LUZP2: variants seen among roughly 807,000 people sequenced by gnomAD.
LUZP2 encodes the protein leucine zipper protein 2.
A neutral mutation model predicts 51.6 loss-of-function variants in LUZP2; 52 were observed. That is an observed-to-expected ratio of 1.01 (90% confidence interval 0.81 to 1.27). LUZP2 has a LOEUF of 1.27. LUZP2 is among the 50% of genes most tolerant of loss of function. The pLI is 0.00. For synonymous variants in LUZP2, 154 were observed against 137.3 expected (o/e 1.12, Z -0.85); for missense variants, 436 against 395.4 (o/e 1.10, Z -0.87).
At chr11:24,966,958 T>G (rs1003394638) in intron 7 of LUZP2, among the ~76,000 whole-genome samples, 2 of 150,086 alleles carry the variant, frequency 1.3e-5, no homozygotes, top group Admixed American at 1.3e-4. Flanking sequence ...TTTATTAAAC[T>G]TAGTATTTTT....
At chr11:24,716,197 T>C (rs1355126670) in intron 1 of LUZP2, among the ~76,000 whole-genome samples, 1 of 152,202 alleles carries the variant, frequency 6.6e-6, no homozygotes, top group East Asian at 1.9e-4. Context: ...ACAGGCTGAA[T>C]GGAAGTTTGT....
At chr11:24,533,837 T>C (rs749205438) in intron 1 of LUZP2, among the ~76,000 whole-genome samples, 11 of 151,348 alleles carry the variant, frequency 7.3e-5, no homozygotes, top group South Asian at 2.1e-4. Flanking sequence ...CTCTGCTGAA[T>C]ATTAGGGTAT....
chr11:24,761,585 G>A (rs1472993178), intron 4 of LUZP2, among the ~76,000 whole-genome samples: 1 of 152,070 alleles, frequency 6.6e-6, no homozygotes, highest in Non-Finnish European at 1.5e-5. Context: ...TCACCTCTGG[G>A]CTCCAGGCTG....
intron 7 of LUZP2, among the ~76,000 whole-genome samples, chr11:24,931,633 T>TTTTG (rs996856071): frequency 1.3e-5 from 2 of 152,294 alleles, no homozygotes; most frequent in South Asian, 2.1e-4. Context: ...ATCCTTAGAC[T>TTTTG]TTTGTTTGTT....
intron 7 of LUZP2, among the ~76,000 whole-genome samples, chr11:24,974,904 A>G (rs182428889): frequency 2.0e-5 from 3 of 152,064 alleles, no homozygotes; most frequent in African/African-American, 7.2e-5. Context: ...GGTAAAACAT[A>G]TGATTTTTAA....
intron 7 of LUZP2, among the ~76,000 whole-genome samples, chr11:24,920,633 C>A (rs907462385): frequency 6.6e-6 from 1 of 151,536 alleles, no homozygotes; most frequent in Non-Finnish European, 1.5e-5. Context: ...TCTTTTGCAG[C>A]AATACAGGTG....
intron 6 of LUZP2, among the ~76,000 whole-genome samples, chr11:24,912,297 C>G (rs749097118): frequency 6.6e-6 from 1 of 150,696 alleles, no homozygotes; most frequent in Non-Finnish European, 1.5e-5. Context: ...TGTTAACTTC[C>G]TGATTCAATG....
chr11:24,581,344 G>A (rs4923195), intron 1 of LUZP2, among the ~76,000 whole-genome samples: 86,834 of 151,932 alleles, frequency 0.57, 25,383 homozygotes, highest in South Asian at 0.66. Flanking sequence ...ATGGTAACAG[G>A]TATACTAATA....
chr11:24,910,690 G>C (rs1489608270), intron 6 of LUZP2, among the ~76,000 whole-genome samples: 2 of 152,200 alleles, frequency 1.3e-5, no homozygotes, highest in African/African-American at 4.8e-5. Flanking sequence ...TGTCCAGGCA[G>C]AAATGTCCTG....
At position 24,825,131 on chromosome 11, in the gene LUZP2, G is replaced by A. The variant is rs77602699; in HGVS notation, c.396+61823G>A. On this transcript the variant is annotated intron_variant, in intron 5 of 11. Coordinates refer to ENST00000336930, the MANE Select transcript of LUZP2 (RefSeq NM_001009909.4). Reference sequence around the variant, plus strand: ...TTATTAATTTTATCCAAGATATTTAGTCTAAGGTGACATCTAGTTTTTCAA... The same window carrying A: ...TTATTAATTTTATCCAAGATATTTAATCTAAGGTGACATCTAGTTTTTCAA... Among the ~76,000 whole-genome samples the A allele has an allele frequency of 4.5e-3, 682 of 152,146 alleles. 7 individuals are homozygous for A. The highest frequency in any genetic ancestry group is 0.016 in the African/African-American group (659 of 41,510).
intron 4 of LUZP2, among the ~76,000 whole-genome samples, chr11:24,762,594 T>G (rs1860021114): frequency 6.6e-6 from 1 of 152,198 alleles, no homozygotes; most frequent in Admixed American, 6.5e-5. Context: ...AAAGTCTCAG[T>G]GACTAGTGTA....
intron 1 of LUZP2, among the ~76,000 whole-genome samples, chr11:24,569,696 C>CCAAA (rs146281040): frequency 0.42 from 63,453 of 151,926 alleles, 13,798 homozygotes; most frequent in African/African-American, 0.51. Context: ...CATTCTATAT[C>CCAAA]CTATTAATTG....
chr11:24,554,816 C>T (rs967280392), intron 1 of LUZP2, among the ~76,000 whole-genome samples: 4 of 150,220 alleles, frequency 2.7e-5, no homozygotes, highest in African/African-American at 7.4e-5. Context: ...CATTCAAGTC[C>T]GGTAATGATG....
chr11:24,687,825 G>A (rs1459533414), intron 1 of LUZP2, among the ~76,000 whole-genome samples: 1 of 152,100 alleles, frequency 6.6e-6, no homozygotes, highest in Admixed American at 6.6e-5. Flanking sequence ...ATTAGTGCTT[G>A]AGATAAGAAA....
chr11:24,960,781 T>C (rs1234562727), intron 7 of LUZP2, among the ~76,000 whole-genome samples: 3 of 152,156 alleles, frequency 2.0e-5, no homozygotes, highest in African/African-American at 7.2e-5. Context: ...TTTCTTGCCT[T>C]CTGCTAGCTT....
rs1489452900 is a variant in LUZP2, at chr11:24,850,778, T to C, written c.397-55213T>C. On this transcript the variant is annotated intron_variant, in intron 5 of 11. Transcript: ENST00000336930. Reference sequence around the variant, plus strand: ...CATGGAATATTTTTCCATTTGTTTGTGTCCTCTCTGATTTCCTTGAGCAGT... The same window carrying C: ...CATGGAATATTTTTCCATTTGTTTGCGTCCTCTCTGATTTCCTTGAGCAGT... Among the ~76,000 whole-genome samples the C allele has an allele frequency of 3.9e-5, 6 of 152,198 alleles. No homozygotes were observed. In the South Asian group the frequency reaches 6.2e-4, roughly 16 times the overall value.
intron 5 of LUZP2, among the ~76,000 whole-genome samples, chr11:24,857,047 T>G (rs983974193): frequency 1.3e-5 from 2 of 151,906 alleles, no homozygotes; most frequent in African/African-American, 4.8e-5. Context: ...ATGCAATATA[T>G]CCACATAACA....
At chr11:24,771,829 C>G (rs1476319064) in intron 5 of LUZP2, among the ~76,000 whole-genome samples, 2 of 151,994 alleles carry the variant, frequency 1.3e-5, no homozygotes, top group Admixed American at 1.3e-4. Context: ...TTAGAGTTAC[C>G]CTGCACAAGC....
chr11:24,728,750 AT>A (rs1470651961), intron 1 of LUZP2, among the ~76,000 whole-genome samples: 1 of 151,920 alleles, frequency 6.6e-6, no homozygotes, highest in Admixed American at 6.6e-5. Context: ...AAAATTCAAC[AT>A]TTATTTTCTT....
Sources: allele counts gnomAD v4.1 joint callset (sites outside exome capture counted in the v4.1 genomes callset), GRCh38; gene constraint gnomAD v4.1.1; transcripts MANE v1.5; gene names NCBI Gene and HGNC (gene_info 2026-07-23, HGNC 2026-07-21).